FGF14: variants seen among roughly 807,000 people sequenced by gnomAD.
The protein encoded by FGF14 is fibroblast growth factor homologous factor 4.
In FGF14, 5 loss-of-function variants were observed where a neutral mutation model predicts 25.5. That is an observed-to-expected ratio of 0.20 (90% confidence interval 0.10 to 0.41). FGF14 has a LOEUF of 0.41. Among genes scored for constraint, FGF14 ranks in the 10% least tolerant of loss-of-function variants. The pLI is 1.00. For synonymous variants in FGF14, 138 were observed against 118.3 expected (o/e 1.17, Z -1.08); for missense variants, 222 against 320.1 (o/e 0.69, Z 2.34).
chr13:101,801,898 G>A, intron 3 of FGF14: 1 of 402,552 alleles, frequency 2.5e-6, no homozygotes, highest in Non-Finnish European at 4.8e-6. Context: ...GTGACACCAA[G>A]AAACCAAAGG....
At chr13:101,892,168 C>A (rs1453119416) in intron 1 of FGF14, among the ~76,000 whole-genome samples, 4 of 152,032 alleles carry the variant, frequency 2.6e-5, no homozygotes, top group African/African-American at 9.7e-5. Context: ...GCAAAAGAAG[C>A]ATCTTTTCAA....
chr13:102,030,527 G>A (rs2041157255), intron 1 of FGF14, among the ~76,000 whole-genome samples: 2 of 152,138 alleles, frequency 1.3e-5, no homozygotes, highest in South Asian at 2.1e-4. Context: ...AAATACATTC[G>A]GGGGAAAGAT....
chr13:101,801,504 T>C (rs940040220), intron 3 of FGF14, among the ~76,000 whole-genome samples: 1 of 152,142 alleles, frequency 6.6e-6, no homozygotes, highest in Non-Finnish European at 1.5e-5. Context: ...AAACTTTATT[T>C]ACAGAAATAG....
intron 1 of FGF14, among the ~76,000 whole-genome samples, chr13:101,994,754 A>T (rs1336884075): frequency 6.6e-6 from 1 of 152,076 alleles, no homozygotes; most frequent in Non-Finnish European, 1.5e-5. Flanking sequence ...TAAATTAACA[A>T]TTATATTTCA....
chr13:102,022,984 T>C (rs1269253682), intron 1 of FGF14, among the ~76,000 whole-genome samples: 2 of 81,156 alleles, frequency 2.5e-5, no homozygotes, highest in Admixed American at 1.7e-4. Context: ...GAAGGGCCTC[T>C]ACTCTAAAGA....
At chr13:102,269,043 C>G (rs1304090133) in intron 1 of FGF14, among the ~76,000 whole-genome samples, 1 of 152,122 alleles carries the variant, frequency 6.6e-6, no homozygotes, top group Non-Finnish European at 1.5e-5. Context: ...TAACATTCAA[C>G]TGAGAAAAAC....
intron 1 of FGF14, among the ~76,000 whole-genome samples, chr13:102,233,369 G>A (rs139191450): frequency 0.015 from 2,249 of 152,026 alleles, 27 homozygotes; most frequent in Middle Eastern, 0.024. Flanking sequence ...GACCTCAGGC[G>A]ATCCACCCAC....
chr13:101,729,488 A>G (rs891461473), intron 3 of FGF14, among the ~76,000 whole-genome samples: 2 of 152,174 alleles, frequency 1.3e-5, no homozygotes, highest in Non-Finnish European at 2.9e-5. Flanking sequence ...GGAGGCAGAC[A>G]GTAGGATTCA....
rs1491317660 is a variant in FGF14, at chr13:102,276,380, T to TATATAC, written c.208+125090_208+125091insGTATAT. On this transcript the variant is annotated intron_variant, in intron 1 of 4. Coordinates refer to the FGF14 transcript ENST00000376131. ...ATATATATATATATATATATATATATACACATTATTGGTTCATCATTTCTG... is the reference window on the plus strand; with the variant it reads ...ATATATATATATATATATATATATATATATACACACATTATTGGTTCATCATTTCTG... Among the ~76,000 whole-genome samples, 67 of 131,444 alleles carry TATATAC rather than the reference T, an allele frequency of 5.1e-4. 1 individual carries two copies. The highest frequency in any genetic ancestry group is 1.8e-3 in the African/African-American group (66 of 36,426). The allele number at this position is 131,444 out of a possible 152,430, so 86.2% of individuals were successfully genotyped here.
intron 1 of FGF14, among the ~76,000 whole-genome samples, chr13:102,215,275 T>TA (rs1398832070): frequency 1.3e-5 from 2 of 152,228 alleles, no homozygotes; most frequent in Non-Finnish European, 2.9e-5. Flanking sequence ...CAGCACTGGA[T>TA]ACATCAGCAT....
At chr13:102,388,706 C>T (rs2058363888) in intron 1 of FGF14, among the ~76,000 whole-genome samples, 1 of 152,226 alleles carries the variant, frequency 6.6e-6, no homozygotes. Flanking sequence ...AACAGAAGGA[C>T]ATTTTCATTT....
intron 1 of FGF14, among the ~76,000 whole-genome samples, chr13:101,995,445 G>A (rs944897035): frequency 1.4e-4 from 21 of 151,990 alleles, no homozygotes; most frequent in African/African-American, 4.1e-4. Flanking sequence ...GGAGTGTGGC[G>A]GTGAGTCAAA....
chr13:102,128,551 C>T (rs1327857220), intron 1 of FGF14, among the ~76,000 whole-genome samples: 1 of 152,152 alleles, frequency 6.6e-6, no homozygotes, highest in Non-Finnish European at 1.5e-5. Context: ...CATGACTCAC[C>T]CCAATGTGAG....
At chr13:102,123,269 A>C (rs966118561) in intron 1 of FGF14, among the ~76,000 whole-genome samples, 1 of 152,090 alleles carries the variant, frequency 6.6e-6, no homozygotes, top group East Asian at 1.9e-4. Flanking sequence ...TACTAGACTG[A>C]GAAGAAGCTA....
intron 1 of FGF14, among the ~76,000 whole-genome samples, chr13:102,387,835 G>T (rs1406574849): frequency 6.6e-6 from 1 of 152,136 alleles, no homozygotes; most frequent in South Asian, 2.1e-4. Flanking sequence ...AGGTTCAAGC[G>T]ATTCTCCTGC....
intron 3 of FGF14, among the ~76,000 whole-genome samples, chr13:101,828,293 T>G (rs1280596158): frequency 2.0e-5 from 3 of 151,972 alleles, no homozygotes; most frequent in Non-Finnish European, 4.4e-5. Context: ...TCAAGCAAAG[T>G]GCAGGAAAAT....
chr13:101,919,464 C>T (rs893013591), upstream of FGF14, among the ~76,000 whole-genome samples: 2 of 151,696 alleles, frequency 1.3e-5, no homozygotes, highest in African/African-American at 4.8e-5. Flanking sequence ...TGACATTAAG[C>T]TTCTTGTTCT....
Position 101,718,914 on chromosome 13 carries a change from T to A in FGF14, c.*3917A>T, listed in dbSNP as rs1472485807. ...ATTGTAGGCTAAGAAACCTCAGCTA[T>A]GACTACTATTTCACTCAAAGTAAGA... is the stretch of plus-strand genomic sequence containing the variant. On this transcript the variant is annotated 3_prime_UTR_variant, in exon 5 of 5. Transcript: ENST00000376143. 8.5e-5 allele frequency: 13 copies of A among 152,118 alleles called. No individual in the cohort carries two copies. Among genetic ancestry groups the A allele is most frequent in the Admixed American group, 6.6e-4 (10 of 15,264 alleles). 9.4% of individuals were successfully genotyped at this position (152,118 alleles called of 1,614,324 possible).
intron 1 of FGF14, among the ~76,000 whole-genome samples, chr13:102,344,245 G>C (rs1200897925): frequency 6.6e-6 from 1 of 152,158 alleles, no homozygotes; most frequent in Non-Finnish European, 1.5e-5. Context: ...TTTTAAAAGA[G>C]AGATACTGTC....
Sources: allele counts gnomAD v4.1 joint callset (sites outside exome capture counted in the v4.1 genomes callset), GRCh38; gene constraint gnomAD v4.1.1; transcripts MANE v1.5; gene names NCBI Gene and HGNC (gene_info 2026-07-23, HGNC 2026-07-21).